CFAP251: variants seen among roughly 807,000 people sequenced by gnomAD.
CFAP251 encodes cilia and flagella associated protein 251, also known as cilia- and flagella-associated protein 251.
Under a neutral mutation model 126.7 loss-of-function variants are expected in CFAP251, and 93 were observed. That is an observed-to-expected ratio of 0.73 (90% CI 0.62 to 0.87). The LOEUF (loss-of-function observed/expected upper bound fraction) is 0.87, where lower values mean the gene tolerates loss of function less well. Among genes scored for constraint, CFAP251 ranks in the 40% least tolerant of loss-of-function variants. CFAP251 has a pLI of 0.00. For synonymous variants in CFAP251, 503 were observed against 506.9 expected (o/e 0.99, Z 0.10); for missense variants, 1,287 against 1,389.2 (o/e 0.93, Z 1.17).
chr12:121,975,915 T>A (rs1355285474), intron 19 of CFAP251, among the ~76,000 whole-genome samples: 1 of 152,104 alleles, frequency 6.6e-6, no homozygotes, highest in Non-Finnish European at 1.5e-5. Flanking sequence ...GGTTGGAGCA[T>A]GGGTCTTGCA....
Position 121,956,086 on chromosome 12 carries a change from T to C in CFAP251, c.1536-988T>C, listed in dbSNP as rs77083790. 1.3e-3 allele frequency among the ~76,000 whole-genome samples: 198 copies of C among 152,320 alleles called. 6 individuals are homozygous for C. The East Asian group carries it at 0.036, about 28-fold the overall frequency. On this transcript the variant is annotated intron_variant, in intron 10 of 21. Transcript: ENST00000288912. ...ATTAGAATTATGTCAAAGTCTTTTT[T>C]AAAAAGCCCATTTGGGATGGATCCA...
chr12:121,941,622 C>T (rs1381663584), intron 5 of CFAP251, among the ~76,000 whole-genome samples: 1 of 152,176 alleles, frequency 6.6e-6, no homozygotes, highest in Non-Finnish European at 1.5e-5. Context: ...GTATGCAGCA[C>T]TGTGCCCAGC....
At position 121,977,647 on chromosome 12, in the gene CFAP251, G is replaced by A. The variant is rs555165958; in HGVS notation, c.3006+1962G>A. ...AGCACTCCAGCCTGGGCGACAGAGC[G>A]AAACTCTCCTCAAAAAATAAAAAAC... On this transcript the variant is annotated intron_variant, in intron 19 of 21. Coordinates refer to ENST00000288912, the MANE Select transcript of CFAP251 (RefSeq NM_144668.6). Among the ~76,000 whole-genome samples the A allele has an allele frequency of 2.6e-5, 4 of 151,138 alleles. No homozygotes were observed. The South Asian group carries it at 6.3e-4, about 24-fold the overall frequency.
intron 14 of CFAP251, 40 bp downstream of exon 14, chr12:121,960,798 G>A: frequency 1.9e-6 from 3 of 1,606,442 alleles, no homozygotes; most frequent in Non-Finnish European, 2.6e-6. Flanking sequence ...CGCCAAGACT[G>A]TGTCTCACTC....
At position 121,931,847 on chromosome 12, in the gene CFAP251, C is replaced by A. The variant is rs761164559; in HGVS notation, c.849C>A (p.Ile283=). The change falls in exon 4 of 22, where the codon ATC becomes ATA. Residue 283 remains isoleucine, a synonymous_variant. Transcript: ENST00000288912. ...TGTATGTTTGTGCTCACACTGCGAT[C>A]ATCTACAACGTGTTCAGGAACAATC... ...VLLYVCAHTA[I]IYNVFRNNQY... The A allele has an allele frequency of 4.4e-6, 7 of 1,603,380 alleles. No homozygotes were observed. The highest frequency in any genetic ancestry group is 1.3e-5 in the African/African-American group (1 of 74,374).
intron 19 of CFAP251, among the ~76,000 whole-genome samples, chr12:121,977,051 CATT>C (rs1882478295): frequency 6.6e-6 from 1 of 152,134 alleles, no homozygotes; most frequent in Admixed American, 6.6e-5. Flanking sequence ...AGAACTGTGT[CATT>C]AAGCAACATC....
At chr12:121,994,657 C>T (rs1476892583) in intron 19 of CFAP251, among the ~76,000 whole-genome samples, 1 of 44,024 alleles carries the variant, frequency 2.3e-5, no homozygotes, top group Non-Finnish European at 4.6e-5. Context: ...TGTGACCTTA[C>T]CCCCAACCCT....
intron 15 of CFAP251, among the ~76,000 whole-genome samples, chr12:121,963,029 C>G (rs897234858): frequency 2.6e-5 from 4 of 151,998 alleles, no homozygotes; most frequent in Non-Finnish European, 5.9e-5. Flanking sequence ...CCGGGTAAGG[C>G]GAGAGCTAGT....
chr12:121,976,839 G>A (rs1217634704), intron 19 of CFAP251, among the ~76,000 whole-genome samples: 1 of 152,158 alleles, frequency 6.6e-6, no homozygotes, highest in Non-Finnish European at 1.5e-5. Context: ...AGCCCCAGAG[G>A]TGGAGGCTTC....
intron 19 of CFAP251, among the ~76,000 whole-genome samples, chr12:121,992,963 C>CTCTCCCTCTCCCTCTCCG (rs1565925022): frequency 1.1e-4 from 5 of 46,204 alleles, no homozygotes; most frequent in African/African-American, 1.7e-4. Context: ...CTCCCTCTCC[C>CTCTCCCTCTCCCTCTCCG]ACTCCCTCTC....
intron 21 of CFAP251, among the ~76,000 whole-genome samples, chr12:122,002,529 G>C (rs974948264): frequency 7.9e-5 from 12 of 152,022 alleles, no homozygotes; most frequent in African/African-American, 2.9e-4. Flanking sequence ...AACAGAGTGA[G>C]AGCCTGTCTC....
chr12:121,942,192 A>G lies in CFAP251; in HGVS notation c.999-342A>G, dbSNP rs529334555. Among the ~76,000 whole-genome samples the G allele has an allele frequency of 5.9e-5, 9 of 152,100 alleles. No individual in the cohort carries two copies. The South Asian group carries it at 1.7e-3, about 28-fold the overall frequency. ...ACACTCTTATGCAACCATCATCTCT[A>G]TCCAGTTCCAAAACATTTTCACCGC... is the stretch of plus-strand genomic sequence containing the variant. On this transcript the variant is annotated intron_variant, in intron 5 of 21. Transcript: ENST00000288912.
At position 121,960,813 on chromosome 12, in the gene CFAP251, G is replaced by A. The variant is rs1881907000; in HGVS notation, c.2307+55G>A. ...CGCCAAGACTGTGTCTCACTCTTGTGACATCCCTGGCATCTTGCATAGAGC... is the reference window on the plus strand; with the variant it reads ...CGCCAAGACTGTGTCTCACTCTTGTAACATCCCTGGCATCTTGCATAGAGC... On this transcript the variant is annotated intron_variant, in intron 14 of 21. Coordinates refer to ENST00000288912, the MANE Select transcript of CFAP251 (RefSeq NM_144668.6). The A allele has an allele frequency of 1.3e-6, 2 of 1,589,080 alleles. 1 individual carries two copies. Among genetic ancestry groups the A allele is most frequent in the Admixed American group, 3.4e-5 (2 of 58,936 alleles).
intron 17 of CFAP251, among the ~76,000 whole-genome samples, chr12:121,973,935 G>A (rs1159207235): frequency 6.6e-6 from 1 of 152,108 alleles, no homozygotes; most frequent in South Asian, 2.1e-4. Flanking sequence ...GGGGACTATT[G>A]GGAAGGCATG....
At chr12:121,993,256 C>G (rs1224164927) in intron 19 of CFAP251, among the ~76,000 whole-genome samples, 3 of 123,416 alleles carry the variant, frequency 2.4e-5, no homozygotes, top group African/African-American at 6.5e-5. Flanking sequence ...GACGGAGTCT[C>G]GTTCACTCAG....
At chr12:121,950,555 G>A (rs186104132) in intron 8 of CFAP251, 2 of 152,188 alleles carry the variant, frequency 1.3e-5, no homozygotes, top group Admixed American at 1.3e-4. Flanking sequence ...ATTTATTATA[G>A]CTTTATTTTA....
intron 7 of CFAP251, among the ~76,000 whole-genome samples, chr12:121,944,700 A>C (rs1371576773): frequency 1.3e-5 from 2 of 152,210 alleles, no homozygotes; most frequent in Non-Finnish European, 2.9e-5. Flanking sequence ...TAGTGTATAA[A>C]AAGGCAGCTA....
chr12:121,926,270 T>C (rs999647855), intron 3 of CFAP251, among the ~76,000 whole-genome samples: 2 of 152,044 alleles, frequency 1.3e-5, no homozygotes. Context: ...GTATCTTCTT[T>C]CTTCTTTCTT....
At chr12:121,983,194 C>T (rs1882665914) in intron 19 of CFAP251, among the ~76,000 whole-genome samples, 1 of 152,032 alleles carries the variant, frequency 6.6e-6, no homozygotes, top group Non-Finnish European at 1.5e-5. Context: ...TGTGATTGTG[C>T]CATTGCACTC....
Sources: gnomAD v4.1 joint callset for allele counts (sites outside exome capture counted in the v4.1 genomes callset) on GRCh38, gnomAD v4.1.1 for gene constraint, MANE v1.5 for transcripts, NCBI Gene and HGNC (gene_info 2026-07-23, HGNC 2026-07-21) for gene names.